CHERP: variants seen among roughly 807,000 people sequenced by gnomAD.
The protein encoded by CHERP is calcium homeostasis endoplasmic reticulum protein, also known as ERPROT 213-21.
Under a neutral mutation model 113.8 loss-of-function variants are expected in CHERP, and 8 were observed. The observed-to-expected ratio is 0.07, with a 90% confidence interval of 0.04 to 0.13. The LOEUF is 0.13. Among genes scored for constraint, CHERP ranks in the 10% least tolerant of loss-of-function variants. The probability of loss-of-function intolerance (pLI) is 1.00; values close to 1 mark genes in which losing one functional copy is unlikely to be tolerated. For synonymous variants in CHERP, 559 were observed against 524.5 expected (o/e 1.07, Z -0.90); for missense variants, 884 against 1,298.2 (o/e 0.68, Z 4.90).
In CHERP at chr19:16,530,632, T is replaced by C. The variant is rs764395581; in HGVS notation, c.829A>G (p.Ile277Val). ...GCTGGGCTCTGTAGCTGCTGAATGA[T>C]GGAGTCATCGAAGTAGCCGTTTTTC... ...WEKNGYFDDS[I>V]IQQLQSPALG... Residue 277 changes from isoleucine (I) to valine (V), a missense_variant, in exon 7 of 17, where the codon ATC (isoleucine) becomes GTC (valine). Physicochemically the swap from Ile to Val is conservative, Grantham distance 29 (BLOSUM62 3). Transcript: ENST00000546361. The surrounding 1 kb of genome is among the most constrained non-coding windows in gnomAD (Gnocchi z 4.1). 2 of 1,614,026 alleles carry C rather than the reference T, an allele frequency of 1.2e-6. No homozygotes were observed. The highest frequency in any genetic ancestry group is 1.7e-6 in the Non-Finnish European group (2 of 1,179,910).
In CHERP at chr19:16,519,829, C is replaced by T. The variant is rs1181704430; in HGVS notation, c.2463-114G>A. On this transcript the variant is annotated intron_variant, in intron 15 of 16. Transcript: ENST00000546361. This position sits in a 1 kb window ranked among gnomAD's most constrained non-coding sequence, Gnocchi z 6.0. ...GTGCATGCTCACTGTCACCAGGTGA[C>T]ACCGTATGCAGATTTTGCGTCTCTA... 1 of 930,404 alleles carries T rather than the reference C, an allele frequency of 1.1e-6. No individual in the cohort carries two copies. Among genetic ancestry groups the T allele is most frequent in the East Asian group, 2.4e-5 (1 of 41,590 alleles). The allele number at this position is 930,404 out of a possible 1,614,324, so 57.6% of individuals were successfully genotyped here.
chr19:16,533,220 C>A, intron 3 of CHERP, 72 bp from the exon 4 acceptor site: 1 of 1,481,700 alleles, frequency 6.7e-7, no homozygotes, highest in South Asian at 1.2e-5. Context: ...CGGCCTGGCT[C>A]AGCAGGGGCG....
chr19:16,522,319 C>T (rs924620976), intron 11 of CHERP, among the ~76,000 whole-genome samples: 6 of 149,144 alleles, frequency 4.0e-5, no homozygotes, highest in African/African-American at 9.8e-5. Flanking sequence ...AGTGTAGTGG[C>T]GTGATCTCGG....
rs868397276 is a variant in CHERP at position 16,519,496 on chromosome 19, G to T, written c.2557+125C>A. 2 of 1,247,374 alleles carry T rather than the reference G, an allele frequency of 1.6e-6. No homozygotes were observed. Among genetic ancestry groups the T allele is most frequent in the Non-Finnish European group, 2.3e-6 (2 of 866,472 alleles). The allele number at this position is 1,247,374 out of a possible 1,614,324, so 77.3% of individuals were successfully genotyped here. ...GGCCGGCCCTGTCTAGAGGGTCTGG[G>T]TGGAGTCAGAACCGGCCTGACTCCA... On this transcript the variant is annotated intron_variant, in intron 16 of 16. Transcript: ENST00000546361. The surrounding 1 kb of genome is among the most constrained non-coding windows in gnomAD (Gnocchi z 6.0).
chr19:16,528,104 G>T lies in CHERP; in HGVS notation c.1281C>A (p.Pro427=), dbSNP rs770041647. 6.2e-7 allele frequency: 1 copy of T among 1,613,542 alleles called. No homozygotes were observed. Among genetic ancestry groups the T allele is most frequent in the Non-Finnish European group, 8.5e-7 (1 of 1,179,970 alleles). The change falls in exon 9 of 17, where the codon CCC becomes CCA. Residue 427 remains proline (P), a synonymous_variant. Coordinates refer to ENST00000546361, the MANE Select transcript of CHERP (RefSeq NM_006387.6). ...NKPPWFDQPH[P]VAPWGQQQPP... ...CCTGCTGCTGGCCCCAAGGAGCCAC[G>T]GGGTGAGGCTGGTCAAACCAAGGGG...
intron 2 of CHERP, chr19:16,541,584 A>G (rs1238489068): frequency 2.8e-6 from 1 of 354,106 alleles, no homozygotes; most frequent in Non-Finnish European, 5.1e-6. Flanking sequence ...TAAAACAATC[A>G]CGCTACTCCT....
intron 10 of CHERP, among the ~76,000 whole-genome samples, chr19:16,524,353 G>A (rs1403827342): frequency 2.6e-5 from 4 of 152,084 alleles, no homozygotes; most frequent in Non-Finnish European, 4.4e-5. Flanking sequence ...TCAGGAGTTC[G>A]AGACCAGCCT....
chr19:16,533,255 C>A, intron 3 of CHERP, 107 bp from the exon 4 acceptor site: 1 of 1,138,106 alleles, frequency 8.8e-7, no homozygotes, highest in Admixed American at 2.2e-5. Context: ...TGGCGATGCC[C>A]GGACTCTGGG....
At chr19:16,529,588 C>T (rs541109240) in intron 8 of CHERP, 60 bp downstream of exon 8, 24 of 1,512,018 alleles carry the variant, frequency 1.6e-5, no homozygotes, top group South Asian at 3.7e-5. Context: ...TGACTACACT[C>T]GGTGCCCAGC....
chr19:16,520,664 G>C lies in CHERP; in HGVS notation c.2202-157C>G, dbSNP rs1277722556. The C allele has an allele frequency of 1.8e-6, 2 of 1,134,306 alleles. No homozygotes were observed. The highest frequency in any genetic ancestry group is 4.7e-5 in the East Asian group (2 of 42,174). 70.3% of individuals were successfully genotyped at this position (1,134,306 alleles called of 1,614,324 possible). A position where few individuals can be genotyped will look rare whatever the true frequency, so the allele number is the denominator to read the frequency against. ...CGGTACCAAGTTCCTAAATAGTGTG[G>C]CCGAGCCTGCTGCTGTGTGAATTCA... is the stretch of plus-strand genomic sequence containing the variant. On this transcript the variant is annotated intron_variant, in intron 13 of 16. Coordinates refer to ENST00000546361, the MANE Select transcript of CHERP (RefSeq NM_006387.6). The surrounding 1 kb of genome is among the most constrained non-coding windows in gnomAD (Gnocchi z 4.0).
intron 3 of CHERP, among the ~76,000 whole-genome samples, chr19:16,534,375 T>C (rs1376013503): frequency 6.6e-6 from 1 of 152,182 alleles, no homozygotes; most frequent in African/African-American, 2.4e-5. Context: ...AATATGACAG[T>C]GTGATTTTAT....
intron 2 of CHERP, chr19:16,541,654 G>A (rs772827965): frequency 9.8e-6 from 5 of 508,916 alleles, no homozygotes; most frequent in South Asian, 5.9e-5. Context: ...GAGCCCAGGG[G>A]GGAGGATCGA....
rs1040873091 is a variant in CHERP at position 16,530,966 on chromosome 19, G to A, written c.675-86C>T. 30 of 1,541,822 alleles carry A rather than the reference G, an allele frequency of 1.9e-5. No homozygotes were observed. Among genetic ancestry groups the A allele is most frequent in the South Asian group, 7.0e-5 (6 of 85,316 alleles). On this transcript the variant is annotated intron_variant, in intron 5 of 16. Coordinates refer to ENST00000546361, the MANE Select transcript of CHERP (RefSeq NM_006387.6). The surrounding 1 kb of genome is among the most constrained non-coding windows in gnomAD (Gnocchi z 4.1). ...TTACCATCGCGGCTCCAGCCTCAGC[G>A]CCCTCTGCCTTCTCGGGAATCGGGT...
chr19:16,523,358 G>C lies in CHERP; in HGVS notation c.1742-68C>G. 1 of 1,576,208 alleles carries C rather than the reference G, an allele frequency of 6.3e-7. No individual in the cohort carries two copies. The highest frequency in any genetic ancestry group is 1.1e-5 in the South Asian group (1 of 88,034). ...ATCTCCCAGGCGACAAGTGCTGGAG[G>C]GGAGGGGCTCAGTGAAGGGCCAGGA... On this transcript the variant is annotated intron_variant, in intron 10 of 16. Transcript: ENST00000546361. The surrounding 1 kb of genome is among the most constrained non-coding windows in gnomAD (Gnocchi z 4.0).
intron 2 of CHERP, among the ~76,000 whole-genome samples, chr19:16,537,338 C>A (rs771217955): frequency 6.6e-6 from 1 of 152,030 alleles, no homozygotes; most frequent in Non-Finnish European, 1.5e-5. Context: ...CTGGGGTGCG[C>A]GGCCTGTGTT....
Position 16,528,250 on chromosome 19 carries a change from T to G in CHERP, c.1135A>C (p.Ser379Arg). 6.3e-7 allele frequency: 1 copy of G among 1,576,396 alleles called. No homozygotes were observed. The highest frequency in any genetic ancestry group is 2.2e-5 in the East Asian group (1 of 44,526). ...AIPPTTQPDD[S>R]KPPIQMPGSS... ...CCAGGCATCTGGATGGGAGGCTTGC[T>G]GTCATCTAAATCCAAGTGACAGGCA... The change falls in exon 9 of 17, where the codon AGC becomes CGC. Residue 379 changes from serine (S) to arginine (R), a missense_variant. Ser to Arg is a moderately radical substitution (Grantham distance 110). Coordinates refer to ENST00000546361, the MANE Select transcript of CHERP (RefSeq NM_006387.6).
rs371276056 is a variant in CHERP at position 16,531,313 on chromosome 19, C to A, written c.675-433G>T. Among the ~76,000 whole-genome samples the A allele has an allele frequency of 2.7e-4, 41 of 152,350 alleles. No homozygotes were observed. The South Asian group carries it at 8.1e-3, about 30-fold the overall frequency. On this transcript the variant is annotated intron_variant, in intron 5 of 16. Coordinates refer to ENST00000546361, the MANE Select transcript of CHERP (RefSeq NM_006387.6). ...AAGGAAACCTCGGCCCAGGCCAGGCCTCTTGGGAGAAGGAGGGAGGGTGCC... is the reference window on the plus strand; with the variant it reads ...AAGGAAACCTCGGCCCAGGCCAGGCATCTTGGGAGAAGGAGGGAGGGTGCC...
intron 2 of CHERP, among the ~76,000 whole-genome samples, chr19:16,539,210 C>G (rs569778931): frequency 1.2e-4 from 17 of 144,408 alleles, no homozygotes; most frequent in African/African-American, 4.4e-4. Context: ...TGCAGTGGTG[C>G]GATCTCGGCT....
intron 2 of CHERP, 62 bp downstream of exon 2, chr19:16,541,808 C>G: frequency 6.5e-7 from 1 of 1,536,296 alleles, no homozygotes; most frequent in South Asian, 1.2e-5. Context: ...TGGCAGAGCC[C>G]GGACTGGAAT....
Sources: allele counts gnomAD v4.1 joint callset (sites outside exome capture counted in the v4.1 genomes callset), GRCh38; gene constraint gnomAD v4.1.1; non-coding constraint Gnocchi (gnomAD v3.1); transcripts MANE v1.5; gene names NCBI Gene and HGNC (gene_info 2026-07-23, HGNC 2026-07-21).